CSNK2A2IP: variants seen among roughly 807,000 people sequenced by gnomAD.
CSNK2A2IP encodes casein kinase II subunit alpha'-interacting protein.
At chr3:88,380,872 A>C in the CSNK2A2IP span, among the ~76,000 whole-genome samples, 1 of 152,196 alleles carries the variant, frequency 6.6e-6, no homozygotes, top group Non-Finnish European at 1.5e-5. Context: ...TATTTCTTTC[A>C]CATGTTGATC....
At chr3:88,357,366 A>G in the CSNK2A2IP span, among the ~76,000 whole-genome samples, 1 of 152,094 alleles carries the variant, frequency 6.6e-6, no homozygotes. Flanking sequence ...CACTTTTGCT[A>G]AAAATAAGTT....
the CSNK2A2IP span, among the ~76,000 whole-genome samples, chr3:88,440,125 A>C: frequency 6.6e-6 from 1 of 152,328 alleles, no homozygotes; most frequent in South Asian, 2.1e-4. Flanking sequence ...AAAATAAGTT[A>C]AATAGTTTGT....
the CSNK2A2IP span, chr3:88,465,422 C>T: frequency 8.1e-7 from 1 of 1,231,648 alleles, no homozygotes; most frequent in African/African-American, 1.6e-5. Flanking sequence ...CAACTGTCCT[C>T]AGCCAATACA....
the CSNK2A2IP span, among the ~76,000 whole-genome samples, chr3:88,440,829 A>G: frequency 6.6e-6 from 1 of 152,160 alleles, no homozygotes. Flanking sequence ...GCATTTTAAT[A>G]CATTCATCCG....
At chr3:88,422,240 A>G in the CSNK2A2IP span, among the ~76,000 whole-genome samples, 8 of 152,320 alleles carry the variant, frequency 5.3e-5, no homozygotes, top group African/African-American at 1.7e-4. Flanking sequence ...CTTAACTTCT[A>G]GGATGGAAAT....
At chr3:88,428,380 G>T in the CSNK2A2IP span, among the ~76,000 whole-genome samples, 2 of 152,112 alleles carry the variant, frequency 1.3e-5, no homozygotes, top group Admixed American at 1.3e-4. Flanking sequence ...AATGAGTTAG[G>T]ACTTTGGGGA....
At chr3:88,446,580 T>G in the CSNK2A2IP span, among the ~76,000 whole-genome samples, 492 of 152,320 alleles carry the variant, frequency 3.2e-3, 2 homozygotes, top group African/African-American at 0.011. Flanking sequence ...TTCATGCATT[T>G]TTGTTTTTCA....
the CSNK2A2IP span, among the ~76,000 whole-genome samples, chr3:88,403,445 A>C: frequency 6.6e-6 from 1 of 152,116 alleles, no homozygotes; most frequent in African/African-American, 2.4e-5. Flanking sequence ...AGAATATCTT[A>C]CTCATTGATA....
the CSNK2A2IP span, among the ~76,000 whole-genome samples, chr3:88,390,537 G>A: frequency 6.6e-6 from 1 of 152,248 alleles, no homozygotes; most frequent in African/African-American, 2.4e-5. Flanking sequence ...GATGTACCAG[G>A]CACAAATATT....
chr3:88,384,482 A>C, the CSNK2A2IP span, among the ~76,000 whole-genome samples: 2 of 152,150 alleles, frequency 1.3e-5, no homozygotes, highest in African/African-American at 4.8e-5. Flanking sequence ...ACATGGCAGG[A>C]GTGAGGAGAA....
the CSNK2A2IP span, chr3:88,465,640 G>T: frequency 1.2e-4 from 147 of 1,231,516 alleles, no homozygotes; most frequent in Non-Finnish European, 1.5e-4. Context: ...ATTGTTCCAT[G>T]CCAAGCATCA....
chr3:88,415,974 A>T, the CSNK2A2IP span, among the ~76,000 whole-genome samples: 6 of 151,976 alleles, frequency 3.9e-5, no homozygotes, highest in African/African-American at 1.5e-4. Flanking sequence ...TAGAAGGCTT[A>T]AATGAAAAAG....
At chr3:88,359,557 G>A in the CSNK2A2IP span, among the ~76,000 whole-genome samples, 6 of 151,896 alleles carry the variant, frequency 4.0e-5, no homozygotes, top group Admixed American at 2.0e-4. Context: ...AGCTTGGTAT[G>A]TTGTATTTCC....
the CSNK2A2IP span, among the ~76,000 whole-genome samples, chr3:88,407,505 CTT>C: frequency 6.6e-5 from 10 of 152,078 alleles, no homozygotes; most frequent in Non-Finnish European, 1.0e-4. Context: ...AAAATAACCT[CTT>C]TTCACTTTTG....
chr3:88,377,983 T>G, the CSNK2A2IP span, among the ~76,000 whole-genome samples: 1 of 152,060 alleles, frequency 6.6e-6, no homozygotes, highest in Admixed American at 6.6e-5. Context: ...TTTTTCATTT[T>G]TCACATACCT....
At chr3:88,346,134 C>A in the CSNK2A2IP span, among the ~76,000 whole-genome samples, 1 of 151,990 alleles carries the variant, frequency 6.6e-6, no homozygotes, top group Non-Finnish European at 1.5e-5. Flanking sequence ...TTCTAACTCT[C>A]TTCAATTCTA....
the CSNK2A2IP span, among the ~76,000 whole-genome samples, chr3:88,453,137 A>G: frequency 6.6e-6 from 1 of 152,160 alleles, no homozygotes; most frequent in Non-Finnish European, 1.5e-5. Context: ...AGCCTTCTGT[A>G]TAACTGAACT....
the CSNK2A2IP span, among the ~76,000 whole-genome samples, chr3:88,384,305 A>G: frequency 6.6e-6 from 1 of 152,056 alleles, no homozygotes; most frequent in African/African-American, 2.4e-5. Flanking sequence ...ATTGGGTGGT[A>G]AGGGACTGAC....
At chr3:88,384,322 T>A in the CSNK2A2IP span, among the ~76,000 whole-genome samples, 1 of 151,778 alleles carries the variant, frequency 6.6e-6, no homozygotes, top group Non-Finnish European at 1.5e-5. Context: ...TGACTGACTT[T>A]CTTTCTCCCT....
Sources: gnomAD v4.1 joint callset for allele counts (sites outside exome capture counted in the v4.1 genomes callset) on GRCh38, gnomAD v4.1.1 for gene constraint, MANE v1.5 for transcripts, NCBI Gene and HGNC (gene_info 2026-07-23, HGNC 2026-07-21) for gene names.